The following MTHFD1 variants were observed in gnomAD, a reference collection of about 807,000 sequenced individuals.
MTHFD1 encodes methylenetetrahydrofolate dehydrogenase, cyclohydrolase and formyltetrahydrofolate synthetase 1.
A neutral mutation model predicts 110.3 loss-of-function variants in MTHFD1; 44 were observed. The observed-to-expected ratio is 0.40, with a 90% CI of 0.31 to 0.51. The LOEUF (loss-of-function observed/expected upper bound fraction) is 0.51, where lower values mean the gene tolerates loss of function less well. MTHFD1 is among the 20% of genes least tolerant of loss of function. The probability of loss-of-function intolerance (pLI) is 0.60; values close to 1 mark genes in which losing one functional copy is unlikely to be tolerated. For synonymous variants in MTHFD1, 402 were observed against 428.8 expected, an observed-to-expected ratio of 0.94 and a Z score of 0.77; for missense variants, 909 against 1,173.1, an observed-to-expected ratio of 0.77 and a Z score of 3.29.
chr14:64,420,212 A>G (rs1469793484), intron 8 of MTHFD1, among the ~76,000 whole-genome samples: 2 of 152,180 alleles, frequency 1.3e-5, no homozygotes, highest in Non-Finnish European at 2.9e-5. Context: ...ATATCACTTT[A>G]TCTTCATGTA....
At position 64,449,622 on chromosome 14, in the gene MTHFD1, G is replaced by A. The variant is rs375671502; in HGVS notation, c.2457G>A (p.Lys819=). 1 of 1,614,010 alleles carries A rather than the reference G, an allele frequency of 6.2e-7. No individual in the cohort carries two copies. The highest frequency in any genetic ancestry group is 8.5e-7 in the Non-Finnish European group (1 of 1,180,028). Residue 819 remains lysine (K), a splice_region_variant and synonymous_variant, in exon 24 of 28, where the codon AAG becomes AAA. Transcript: ENST00000652337. Reference sequence around the variant, plus strand: ...GCTTCCAGCTCCTTTATGACCTCAAGGTGGGTGATTTGCTGTCTGCAAAAA... The same window carrying A: ...GCTTCCAGCTCCTTTATGACCTCAAAGTGGGTGATTTGCTGTCTGCAAAAA... ...PSSFQLLYDL[K]LPVEDKIRII... is the part of the protein sequence containing the mutation.
intron 1 of MTHFD1, 54 bp downstream of exon 1, chr14:64,388,522 G>C: frequency 6.4e-7 from 1 of 1,550,986 alleles, no homozygotes; most frequent in Non-Finnish European, 8.9e-7. Flanking sequence ...GGCTCTGAGG[G>C]TGTGCAGGTC....
intron 1 of MTHFD1, among the ~76,000 whole-genome samples, chr14:64,399,123 G>T (rs1319787805): frequency 6.6e-6 from 1 of 152,164 alleles, no homozygotes; most frequent in Non-Finnish European, 1.5e-5. Context: ...ACCTTATGTG[G>T]ATACGCTGTG....
chr14:64,441,659 A>G, intron 19 of MTHFD1: 2 of 586,714 alleles, frequency 3.4e-6, no homozygotes, highest in Non-Finnish European at 6.2e-6. Flanking sequence ...ACAAAAAATT[A>G]GCCGGGCATG....
In MTHFD1 at chr14:64,399,810, C is replaced by G. The variant is rs1250899042; in HGVS notation, c.42-983C>G. ...ATTTTATTTTGGAGACAGTCTTGCT[C>G]TATCGTCCAGGCTGGAGTGCAATGG... On this transcript the variant is annotated intron_variant, in intron 1 of 27. Coordinates refer to ENST00000652337, the MANE Select transcript of MTHFD1 (RefSeq NM_005956.4). Among the ~76,000 whole-genome samples the G allele has an allele frequency of 3.9e-5, 6 of 152,138 alleles. No individual in the cohort carries two copies. The East Asian group carries it at 7.7e-4, about 20-fold the overall frequency.
intron 2 of MTHFD1, among the ~76,000 whole-genome samples, chr14:64,409,764 C>G (rs2077967585): frequency 1.3e-5 from 2 of 152,120 alleles, no homozygotes; most frequent in African/African-American, 4.8e-5. Context: ...CAAATTAGCA[C>G]CACAAAACTG....
At chr14:64,414,467 A>G (rs2078009950) in intron 4 of MTHFD1, among the ~76,000 whole-genome samples, 1 of 151,116 alleles carries the variant, frequency 6.6e-6, no homozygotes, top group Admixed American at 6.6e-5. Flanking sequence ...TATTTTTTAT[A>G]TTTTTGTAGA....
intron 6 of MTHFD1, among the ~76,000 whole-genome samples, chr14:64,416,177 G>C (rs554292104): frequency 6.6e-6 from 1 of 152,038 alleles, no homozygotes; most frequent in African/African-American, 2.4e-5. Flanking sequence ...CCTGGGAGGC[G>C]GAGGTTGCAG....
intron 1 of MTHFD1, chr14:64,388,779 C>T (rs1182432875): frequency 9.2e-6 from 5 of 546,438 alleles, no homozygotes; most frequent in Non-Finnish European, 1.3e-5. Context: ...TGGAGCCCCC[C>T]TAGTCAGAAC....
At chr14:64,412,329 G>A (rs544449626) in intron 3 of MTHFD1, 143 bp from the exon 4 acceptor site, 3 of 714,460 alleles carry the variant, frequency 4.2e-6, no homozygotes, top group Admixed American at 4.0e-5. Context: ...TGAATGGGTT[G>A]AAGTGAGGGA....
chr14:64,444,374 C>T (rs1483193176), intron 21 of MTHFD1, among the ~76,000 whole-genome samples: 1 of 151,998 alleles, frequency 6.6e-6, no homozygotes, highest in Admixed American at 6.6e-5. Context: ...CCTTGACTTC[C>T]AACCCCACTG....
chr14:64,453,904 A>C, intron 25 of MTHFD1, 43 bp downstream of exon 25: 1 of 1,248,044 alleles, frequency 8.0e-7, no homozygotes. Context: ...TTTGCAAAGC[A>C]GGACTTGGAG....
At chr14:64,456,174 G>A (rs2078470194) in intron 26 of MTHFD1, among the ~76,000 whole-genome samples, 1 of 152,070 alleles carries the variant, frequency 6.6e-6, no homozygotes, top group Non-Finnish European at 1.5e-5. Context: ...GCCAGTGAGA[G>A]TCAGGCTGTA....
intron 22 of MTHFD1, among the ~76,000 whole-genome samples, chr14:64,447,367 T>TA (rs1323692157): frequency 2.6e-5 from 4 of 151,220 alleles, no homozygotes; most frequent in Admixed American, 6.6e-5. Context: ...TGTTGGCCAG[T>TA]ATAGTCTTAA....
At chr14:64,429,069 C>T (rs1200239937) in intron 12 of MTHFD1, among the ~76,000 whole-genome samples, 1 of 150,624 alleles carries the variant, frequency 6.6e-6, no homozygotes, top group Non-Finnish European at 1.5e-5. Context: ...TGGCTCATGC[C>T]TAAAATCCCA....
intron 12 of MTHFD1, among the ~76,000 whole-genome samples, chr14:64,428,150 G>C (rs986035832): frequency 1.7e-5 from 2 of 117,288 alleles, no homozygotes; most frequent in Non-Finnish European, 3.2e-5. Context: ...CACTCACTCT[G>C]TCGCCCAGGC....
At chr14:64,459,595 T>G (rs1005721595) in intron 27 of MTHFD1, among the ~76,000 whole-genome samples, 164 bp from the exon 28 acceptor site, 2 of 152,230 alleles carry the variant, frequency 1.3e-5, no homozygotes, top group African/African-American at 4.8e-5. Context: ...ATGCATCATT[T>G]TCAAGTCCAT....
chr14:64,459,604 A>G (rs2078529888), intron 27 of MTHFD1, among the ~76,000 whole-genome samples, 155 bp from the exon 28 acceptor site: 1 of 152,214 alleles, frequency 6.6e-6, no homozygotes, highest in African/African-American at 2.4e-5. Context: ...TTTCAAGTCC[A>G]TTTATGGACA....
At chr14:64,415,544 T>C (rs2078019018) in intron 5 of MTHFD1, 50 bp downstream of exon 5, 1 of 1,613,626 alleles carries the variant, frequency 6.2e-7, no homozygotes, top group African/African-American at 1.3e-5. Context: ...TCATTTATAA[T>C]ATGTTTCTAT....
Sources: gnomAD v4.1 joint callset for allele counts (sites outside exome capture counted in the v4.1 genomes callset) on GRCh38, gnomAD v4.1.1 for gene constraint, MANE v1.5 for transcripts, NCBI Gene and HGNC (gene_info 2026-07-23, HGNC 2026-07-21) for gene names.